Variants in FANCB observed in about 807,000 individuals in gnomAD.
FANCB encodes the protein FA complementation group B.
In FANCB, 5 loss-of-function variants were observed where a neutral mutation model predicts 38.9. The observed-to-expected ratio is 0.13, with a 90% CI of 0.07 to 0.27. The LOEUF (loss-of-function observed/expected upper bound fraction) is 0.27. Among genes scored for constraint, FANCB ranks in the 10% least tolerant of loss-of-function variants. The pLI is 1.00. For synonymous variants in FANCB, 236 were observed against 215.4 expected (o/e 1.10, Z -0.84); for missense variants, 573 against 602.7 (o/e 0.95, Z 0.52).
At chrX:14,753,700 G>A in the FANCB span, among the ~76,000 whole-genome samples, 1 of 111,132 alleles carries the variant, frequency 9.0e-6, no homozygotes, top group Non-Finnish European at 1.9e-5. Flanking sequence ...AGCTCAGGAA[G>A]AGAGTAAGCC....
chrX:14,743,576 CTTTT>C, the FANCB span, among the ~76,000 whole-genome samples: 2 of 92,030 alleles, frequency 2.2e-5, no homozygotes, highest in Non-Finnish European at 2.2e-5. Context: ...GTATTTCTTT[CTTTT>C]TTTTTTTTTT....
the FANCB span, among the ~76,000 whole-genome samples, chrX:14,736,630 C>T: frequency 9.1e-6 from 1 of 110,495 alleles, no homozygotes; most frequent in African/African-American, 3.3e-5. Flanking sequence ...CAGAAATCAC[C>T]CACCTTCTAT....
At chrX:14,812,334 T>C in the FANCB span, among the ~76,000 whole-genome samples, 36 of 109,201 alleles carry the variant, frequency 3.3e-4, no homozygotes, top group East Asian at 7.2e-3. Flanking sequence ...CTGAAGGAAA[T>C]AGAGACACAA....
downstream of FANCB, among the ~76,000 whole-genome samples, chrX:14,839,678 G>A (rs1164397175): frequency 9.0e-6 from 1 of 111,509 alleles, no homozygotes; most frequent in African/African-American, 3.3e-5. Context: ...ATATGGGGGT[G>A]GTGAGTGGAT....
At chrX:14,814,154 C>A in the FANCB span, among the ~76,000 whole-genome samples, 3 of 111,247 alleles carry the variant, frequency 2.7e-5, no homozygotes, top group African/African-American at 9.8e-5. Flanking sequence ...CCCTTCCTTA[C>A]ACCTTATACA....
At chrX:14,806,208 G>A in the FANCB span, among the ~76,000 whole-genome samples, 2 of 111,719 alleles carry the variant, frequency 1.8e-5, no homozygotes, top group East Asian at 2.8e-4. Flanking sequence ...TGAGACAAGT[G>A]TGAAAATGAA....
At chrX:14,806,255 A>C in the FANCB span, among the ~76,000 whole-genome samples, 5 of 112,044 alleles carry the variant, frequency 4.5e-5, no homozygotes, top group African/African-American at 1.6e-4. Flanking sequence ...CTGTGGCCTG[A>C]GAAGAGAGAC....
chrX:14,771,625 C>G, the FANCB span, among the ~76,000 whole-genome samples: 1 of 111,790 alleles, frequency 8.9e-6, no homozygotes, highest in Non-Finnish European at 1.9e-5. Context: ...CTTTCTGAAG[C>G]CTGCTTCTGT....
rs1356299426 is a variant in FANCB, at chrX:14,864,785, A to T, written c.726T>A (p.Ile242=). Residue 242 remains isoleucine, a synonymous_variant, in exon 3 of 10, where the codon ATT becomes ATA. Coordinates refer to ENST00000650831, the MANE Select transcript of FANCB (RefSeq NM_001018113.3). The part of the protein sequence containing the change: ...AYSSVVTYVH[I]CATEIIKNQL... ...GGTTTTTGATGATCTCAGTTGCACA[A>T]ATATGTACATAAGTCACCACACTGC... The T allele has an allele frequency of 8.3e-7, 1 of 1,208,624 alleles. No individual in the cohort carries two copies. The highest frequency in any genetic ancestry group is 1.1e-6 in the Non-Finnish European group (1 of 892,413).
At chrX:14,825,943 G>A in the FANCB span, among the ~76,000 whole-genome samples, 1 of 111,968 alleles carries the variant, frequency 8.9e-6, no homozygotes, top group Non-Finnish European at 1.9e-5. Flanking sequence ...GCTATACATT[G>A]CCTTAGCCCT....
chrX:14,754,470 A>G, the FANCB span, among the ~76,000 whole-genome samples: 1 of 112,179 alleles, frequency 8.9e-6, no homozygotes, highest in African/African-American at 3.2e-5. Context: ...TTACGAAAAC[A>G]TAATTCTAAG....
chrX:14,773,425 G>T, the FANCB span, among the ~76,000 whole-genome samples: 1 of 111,810 alleles, frequency 8.9e-6, no homozygotes, highest in African/African-American at 3.3e-5. Flanking sequence ...ATCAGAAAAT[G>T]GGAGAATCTA....
chrX:14,773,025 C>A, the FANCB span, among the ~76,000 whole-genome samples: 1 of 111,331 alleles, frequency 9.0e-6, no homozygotes, highest in Non-Finnish European at 1.9e-5. Context: ...GAGCTGTTTG[C>A]CCAGTCAGTT....
chrX:14,862,912 G>C (rs1018852926), intron 3 of FANCB, among the ~76,000 whole-genome samples: 1 of 111,127 alleles, frequency 9.0e-6, no homozygotes, highest in Non-Finnish European at 1.9e-5. Flanking sequence ...AACACTATAG[G>C]GTATACCAGA....
At chrX:14,841,244 G>T (rs1398364946), downstream of FANCB, among the ~76,000 whole-genome samples, 1 of 111,908 alleles carries the variant, frequency 8.9e-6, no homozygotes, top group Non-Finnish European at 1.9e-5. Flanking sequence ...TTCTTAGAAT[G>T]GAAAGTAACA....
At chrX:14,708,947 GA>G in the FANCB span, among the ~76,000 whole-genome samples, 9 of 102,485 alleles carry the variant, frequency 8.8e-5, no homozygotes, top group Non-Finnish European at 1.4e-4. Flanking sequence ...CACACAAAAA[GA>G]AAAAAAAAAG....
chrX:14,870,922 A>C (rs1339235751), intron 1 of FANCB, among the ~76,000 whole-genome samples: 1 of 111,876 alleles, frequency 8.9e-6, no homozygotes, highest in Middle Eastern at 4.2e-3. Context: ...ATAATACTGA[A>C]CATAATTTTA....
chrX:14,854,047 TATTTTA>T (rs979020463), intron 5 of FANCB, among the ~76,000 whole-genome samples: 1 of 112,824 alleles, frequency 8.9e-6, no homozygotes, highest in Non-Finnish European at 1.9e-5. Context: ...AAATTCTTTT[TATTTTA>T]ATCAACAAAT....
At chrX:14,762,288 T>G in the FANCB span, among the ~76,000 whole-genome samples, 2 of 111,020 alleles carry the variant, frequency 1.8e-5, no homozygotes, top group Non-Finnish European at 3.8e-5. Flanking sequence ...CTTAATCATC[T>G]CTTAAAGGCC....
Sources: allele counts gnomAD v4.1 joint callset (sites outside exome capture counted in the v4.1 genomes callset), GRCh38; gene constraint gnomAD v4.1.1; transcripts MANE v1.5; gene names NCBI Gene and HGNC (gene_info 2026-07-23, HGNC 2026-07-21).